NAA25: variants seen among roughly 807,000 people sequenced by gnomAD.
The protein encoded by NAA25 is N-alpha-acetyltransferase 25, NatB auxiliary subunit, also known as N-terminal acetyltransferase B complex subunit NAA25.
Under a neutral mutation model 132.5 loss-of-function variants are expected in NAA25, and 30 were observed. The ratio of observed to expected loss-of-function variants is 0.23; its 90% confidence interval spans 0.17 to 0.31. The LOEUF is 0.31. NAA25 is among the 10% of genes least tolerant of loss of function. NAA25 has a pLI of 1.00. For synonymous variants in NAA25, 359 were observed against 401.9 expected, an observed-to-expected ratio of 0.89 and a Z score of 1.28; for missense variants, 771 against 1,150.4, an observed-to-expected ratio of 0.67 and a Z score of 4.77.
At chr12:112,070,695 G>C (rs572841936) in intron 10 of NAA25, among the ~76,000 whole-genome samples, 2 of 152,078 alleles carry the variant, frequency 1.3e-5, no homozygotes, top group Non-Finnish European at 2.9e-5. Flanking sequence ...TTGTGTCTCA[G>C]CCTCCCGAGT....
At chr12:112,043,017 TTA>T in intron 19 of NAA25, 69 bp downstream of exon 19, 1 of 1,445,328 alleles carries the variant, frequency 6.9e-7, no homozygotes. Context: ...AGATGTGAGG[TTA>T]TAGACATTTT....
intron 13 of NAA25, among the ~76,000 whole-genome samples, chr12:112,059,000 G>A (rs1329124829): frequency 6.9e-6 from 1 of 145,212 alleles, no homozygotes; most frequent in Non-Finnish European, 1.5e-5. Context: ...CGTGAACCTG[G>A]GAGGAGGATA....
At chr12:112,048,985 A>T (rs2078426353) in intron 15 of NAA25, among the ~76,000 whole-genome samples, 1 of 152,020 alleles carries the variant, frequency 6.6e-6, no homozygotes. Context: ...TTACGTCAGG[A>T]TAGAAGTAAG....
intron 4 of NAA25, among the ~76,000 whole-genome samples, chr12:112,084,625 C>A (rs569849556): frequency 4.0e-5 from 6 of 148,432 alleles, no homozygotes; most frequent in African/African-American, 1.5e-4. Flanking sequence ...CCCATCTCTA[C>A]TATAAATACA....
At position 112,039,086 on chromosome 12, in the gene NAA25, G is replaced by A. The variant is rs1285401819; in HGVS notation, c.2649+143C>T. Reference sequence around the variant, plus strand: ...TTAAGAAAGTTTACGGGTTTGCGACGCATTCAAAGTCATCGTGGGCCATGG... The same window carrying A: ...TTAAGAAAGTTTACGGGTTTGCGACACATTCAAAGTCATCGTGGGCCATGG... On this transcript the variant is annotated intron_variant, in intron 22 of 23. Transcript: ENST00000261745. 1.5e-5 allele frequency: 7 copies of A among 463,526 alleles called. 1 individual carries two copies. Among genetic ancestry groups the A allele is most frequent in the South Asian group, 1.1e-4 (2 of 18,196 alleles). 28.7% of individuals were successfully genotyped at this position (463,526 alleles called of 1,614,324 possible). A position where few individuals can be genotyped will look rare whatever the true frequency, so the allele number is the denominator to read the frequency against.
chr12:112,097,207 T>C (rs1371284047), intron 1 of NAA25: 1 of 152,168 alleles, frequency 6.6e-6, no homozygotes, highest in African/African-American at 2.4e-5. Context: ...GAACCTCAGG[T>C]GGAAAATCTT....
intron 15 of NAA25, 63 bp downstream of exon 15, chr12:112,053,495 G>T: frequency 8.5e-7 from 1 of 1,181,594 alleles, no homozygotes; most frequent in Non-Finnish European, 1.2e-6. Flanking sequence ...ATGTGGTGAC[G>T]TGCTCCTCAA....
chr12:112,067,473 C>A (rs1409174518), intron 11 of NAA25, among the ~76,000 whole-genome samples: 1 of 152,146 alleles, frequency 6.6e-6, no homozygotes, highest in Non-Finnish European at 1.5e-5. Flanking sequence ...ATTTGAAAGG[C>A]TGAGGCGGGT....
At chr12:112,035,427 T>A (rs2078211148) in intron 22 of NAA25, 1 of 152,162 alleles carries the variant, frequency 6.6e-6, no homozygotes, top group African/African-American at 2.4e-5. Context: ...CCTTAAGTGC[T>A]GGGATTACAA....
chr12:112,069,776 C>T (rs546610540), intron 10 of NAA25, among the ~76,000 whole-genome samples: 3 of 148,846 alleles, frequency 2.0e-5, no homozygotes, highest in South Asian at 2.1e-4. Context: ...GCCGAGACTG[C>T]GCCACTGCAC....
chr12:112,039,584 T>C (rs536073619), intron 21 of NAA25: 43 of 285,244 alleles, frequency 1.5e-4, no homozygotes, highest in Non-Finnish European at 2.7e-4. Flanking sequence ...TAGCTCAAAA[T>C]CCATCCTCCA....
Position 112,032,712 on chromosome 12 carries a change from T to C in NAA25, c.2796+521A>G, listed in dbSNP as rs191149450. 7.7e-4 allele frequency among the ~76,000 whole-genome samples: 117 copies of C among 152,342 alleles called. 1 individual carries two copies. The highest frequency in any genetic ancestry group is 2.6e-3 in the African/African-American group (109 of 41,584). On this transcript the variant is annotated intron_variant, in intron 23 of 23. Coordinates refer to ENST00000261745, the MANE Select transcript of NAA25 (RefSeq NM_024953.4). The stretch of plus-strand genomic sequence containing the variant: ...GCTTTATAAGGATTTTGCTAACTAA[T>C]AGAATTTGAAAAGACCTAAAATAAT...
At chr12:112,069,457 C>A (rs1682417812) in intron 10 of NAA25, among the ~76,000 whole-genome samples, 1 of 152,118 alleles carries the variant, frequency 6.6e-6, no homozygotes, top group Admixed American at 6.6e-5. Flanking sequence ...GAGCCAAGAT[C>A]ATGCCACTGC....
intron 15 of NAA25, among the ~76,000 whole-genome samples, chr12:112,051,367 T>C (rs1165374923): frequency 6.6e-6 from 1 of 152,106 alleles, no homozygotes; most frequent in East Asian, 1.9e-4. Flanking sequence ...CCTACCACCA[T>C]GCCTGGCTAA....
At position 112,042,054 on chromosome 12, in the gene NAA25, G is replaced by T; in HGVS notation, c.2425C>A (p.Leu809Ile). 1 of 1,483,944 alleles carries T rather than the reference G, an allele frequency of 6.7e-7. No individual in the cohort carries two copies. The highest frequency in any genetic ancestry group is 8.9e-7 in the Non-Finnish European group (1 of 1,117,468). 91.9% of individuals were successfully genotyped at this position (1,483,944 alleles called of 1,614,324 possible). A position where few individuals can be genotyped will look rare whatever the true frequency, so the allele number is the denominator to read the frequency against. ...GAAAACTTACCTTTTAACTGGTCTA[G>T]TAAAGACTTAAAACTATTTTCTATT... is the stretch of plus-strand genomic sequence containing the variant. Reference protein sequence around the residue: ...ERIENSFKSLLDQLKDVFSKC... With the variant: ...ERIENSFKSLIDQLKDVFSKC... Residue 809 changes from leucine to isoleucine, a missense_variant, in exon 20 of 24, where the codon CTA becomes ATA. Coordinates refer to ENST00000261745, the MANE Select transcript of NAA25 (RefSeq NM_024953.4).
At chr12:112,038,220 G>C (rs1322803336) in intron 22 of NAA25, among the ~76,000 whole-genome samples, 1 of 152,060 alleles carries the variant, frequency 6.6e-6, no homozygotes, top group Non-Finnish European at 1.5e-5. Context: ...CACCATGTTG[G>C]TCAGGCTGAT....
At chr12:112,093,198 C>A in intron 1 of NAA25, 62 bp from the exon 2 acceptor site, 1 of 1,017,928 alleles carries the variant, frequency 9.8e-7, no homozygotes, top group Non-Finnish European at 1.5e-6. Flanking sequence ...ATAAAAAATG[C>A]ACCAACTGGT....
intron 15 of NAA25, among the ~76,000 whole-genome samples, chr12:112,048,675 C>T (rs1026344463): frequency 9.2e-5 from 14 of 152,132 alleles, no homozygotes; most frequent in Non-Finnish European, 1.8e-4. Flanking sequence ...CAGCTTCTGC[C>T]ACCATCACAT....
At chr12:112,079,767 AAG>A (rs2078943628) in intron 5 of NAA25, among the ~76,000 whole-genome samples, 1 of 152,124 alleles carries the variant, frequency 6.6e-6, no homozygotes. Context: ...CTTTCTGCAA[AAG>A]AGCAAACTGA....
Sources: gnomAD v4.1 joint callset for allele counts (sites outside exome capture counted in the v4.1 genomes callset) on GRCh38, gnomAD v4.1.1 for gene constraint, MANE v1.5 for transcripts, NCBI Gene and HGNC (gene_info 2026-07-23, HGNC 2026-07-21) for gene names.